Variants in SNX29 observed in about 807,000 individuals in gnomAD.
SNX29 encodes the protein sorting nexin-29.
In SNX29, 78 loss-of-function variants were observed where a neutral mutation model predicts 102.1. That is an observed-to-expected ratio of 0.76 (90% CI 0.64 to 0.92). The LOEUF is 0.92. Among genes scored for constraint, SNX29 ranks in the 40% least tolerant of loss-of-function variants. The pLI, the probability that SNX29 is intolerant of heterozygous loss-of-function variation, is 0.00. For synonymous variants in SNX29, 580 were observed against 414.5 expected (o/e 1.40, Z -4.85); for missense variants, 1,280 against 1,061.7 (o/e 1.21, Z -2.86).
intron 14 of SNX29, among the ~76,000 whole-genome samples, chr16:12,232,140 T>C (rs2077788509): frequency 6.6e-6 from 1 of 152,208 alleles, no homozygotes; most frequent in Non-Finnish European, 1.5e-5. Flanking sequence ...ATTTTGAGGA[T>C]GAAACCTTCA....
intron 15 of SNX29, among the ~76,000 whole-genome samples, chr16:12,283,404 C>T (rs1185278311): frequency 1.3e-5 from 2 of 151,606 alleles, no homozygotes; most frequent in Non-Finnish European, 1.5e-5. Flanking sequence ...ACTGCAAGCT[C>T]CACCTCCTGG....
intron 13 of SNX29, among the ~76,000 whole-genome samples, chr16:12,171,825 C>G (rs907954790): frequency 1.3e-5 from 2 of 152,094 alleles, no homozygotes; most frequent in Non-Finnish European, 2.9e-5. Flanking sequence ...GTGGTATGGC[C>G]CAATTGTTAG....
intron 15 of SNX29, among the ~76,000 whole-genome samples, chr16:12,307,514 A>G (rs978862239): frequency 6.6e-6 from 1 of 152,208 alleles, no homozygotes; most frequent in Non-Finnish European, 1.5e-5. Flanking sequence ...GTCTGGGTAC[A>G]ATTTTGTCCC....
intron 14 of SNX29, among the ~76,000 whole-genome samples, chr16:12,211,510 A>T (rs2077182372): frequency 6.6e-6 from 1 of 152,146 alleles, no homozygotes; most frequent in Admixed American, 6.5e-5. Context: ...GGATGTGCTG[A>T]AGCTCACTGT....
intron 19 of SNX29, among the ~76,000 whole-genome samples, chr16:12,492,000 G>A (rs866135728): frequency 3.3e-5 from 5 of 152,332 alleles, no homozygotes; most frequent in Admixed American, 2.0e-4. Flanking sequence ...ACGTGTGCGT[G>A]TGTCTTTATA....
intron 20 of SNX29, chr16:12,526,414 C>G (rs1009949908): frequency 7.6e-6 from 3 of 392,574 alleles, no homozygotes; most frequent in African/African-American, 4.2e-5. Flanking sequence ...CTTAGATTTT[C>G]TAATTGTTCC....
intron 20 of SNX29, among the ~76,000 whole-genome samples, chr16:12,555,001 T>G (rs2078238420): frequency 6.6e-6 from 1 of 151,944 alleles, no homozygotes; most frequent in South Asian, 2.1e-4. Flanking sequence ...CTTTCTTTCT[T>G]GCAGAGGCAG....
chr16:12,513,000 G>T (rs2089700580), intron 19 of SNX29, among the ~76,000 whole-genome samples: 1 of 152,078 alleles, frequency 6.6e-6, no homozygotes, highest in African/African-American at 2.4e-5. Flanking sequence ...CCCCCCAGAG[G>T]GCAGTGGCCC....
chr16:12,032,285 A>G (rs1462529523), intron 4 of SNX29, among the ~76,000 whole-genome samples: 1 of 147,670 alleles, frequency 6.8e-6, no homozygotes, highest in South Asian at 2.1e-4. Flanking sequence ...TCAGCTCACC[A>G]CAACCTCCGC....
At chr16:12,217,457 C>G (rs558695366) in intron 14 of SNX29, among the ~76,000 whole-genome samples, 1 of 152,272 alleles carries the variant, frequency 6.6e-6, no homozygotes, top group African/African-American at 2.4e-5. Context: ...AATATGGTCT[C>G]TACTCAATAC....
At chr16:12,008,382 G>T (rs2056529326) in intron 3 of SNX29, among the ~76,000 whole-genome samples, 1 of 152,100 alleles carries the variant, frequency 6.6e-6, no homozygotes, top group African/African-American at 2.4e-5. Context: ...CGATTCTCTT[G>T]CCTCGGCCTT....
chr16:12,456,701 T>C (rs16959707), intron 18 of SNX29, among the ~76,000 whole-genome samples: 2,906 of 152,170 alleles, frequency 0.019, 100 homozygotes, highest in African/African-American at 0.066. Context: ...GTAGCATGTG[T>C]ATGTATATGT....
intron 17 of SNX29, among the ~76,000 whole-genome samples, chr16:12,401,003 T>C (rs546626190): frequency 1.3e-5 from 2 of 152,242 alleles, no homozygotes; most frequent in Admixed American, 1.3e-4. Flanking sequence ...TTTTTTTGTT[T>C]GTATTTTTTA....
At chr16:12,548,771 C>G (rs940874648) in intron 20 of SNX29, among the ~76,000 whole-genome samples, 1 of 152,170 alleles carries the variant, frequency 6.6e-6, no homozygotes, top group Admixed American at 6.5e-5. Flanking sequence ...CTCTCATCCC[C>G]CAGCCACCAC....
intron 20 of SNX29, chr16:12,560,858 G>T (rs3751785): frequency 0.22 from 40,440 of 184,034 alleles, 4,837 homozygotes; most frequent in East Asian, 0.45. Flanking sequence ...TATGAGAATT[G>T]GTGTTAGTCC....
At chr16:12,128,397 G>C (rs73517899) in intron 12 of SNX29, among the ~76,000 whole-genome samples, 3,681 of 152,026 alleles carry the variant, frequency 0.024, 141 homozygotes, top group African/African-American at 0.084. Context: ...ACAAGTCTTG[G>C]AGATTTCAGT....
intron 20 of SNX29, among the ~76,000 whole-genome samples, chr16:12,540,016 C>T (rs895003855): frequency 6.6e-6 from 1 of 152,172 alleles, no homozygotes; most frequent in Non-Finnish European, 1.5e-5. Context: ...TTTTGCATGA[C>T]ACCTTTTTAA....
chr16:12,035,224 T>A (rs1244132873), intron 4 of SNX29, among the ~76,000 whole-genome samples: 28 of 126,078 alleles, frequency 2.2e-4, no homozygotes, highest in East Asian at 6.0e-4. Context: ...TTTTTTTTTT[T>A]AAATAAGAGA....
intron 19 of SNX29, among the ~76,000 whole-genome samples, chr16:12,490,516 C>A (rs369622619): frequency 6.6e-6 from 1 of 152,192 alleles, no homozygotes; most frequent in East Asian, 1.9e-4. Flanking sequence ...ACAATTCTTA[C>A]ATACTTCTTC....
Sources: allele counts gnomAD v4.1 joint callset (sites outside exome capture counted in the v4.1 genomes callset), GRCh38; gene constraint gnomAD v4.1.1; transcripts MANE v1.5; gene names NCBI Gene and HGNC (gene_info 2026-07-23, HGNC 2026-07-21).